The following ATRNL1 variants were observed in gnomAD, a reference collection of about 807,000 sequenced individuals.
ATRNL1 encodes the protein attractin like 1, also known as attractin-like protein 1.
In ATRNL1, 95 loss-of-function variants were observed where a neutral mutation model predicts 182.7. The ratio of observed to expected loss-of-function variants is 0.52; its 90% CI spans 0.44 to 0.62. The LOEUF is 0.62. Among genes scored for constraint, ATRNL1 ranks in the 20% least tolerant of loss-of-function variants. ATRNL1 has a pLI of 0.00. For missense variants in ATRNL1, 1,471 were observed against 1,679.5 expected (o/e 0.88, Z 2.17); for synonymous variants, 576 against 568.3 (o/e 1.01, Z -0.19).
At chr10:115,864,711 G>C (rs1184395915) in intron 28 of ATRNL1, among the ~76,000 whole-genome samples, 1 of 152,128 alleles carries the variant, frequency 6.6e-6, no homozygotes, top group Non-Finnish European at 1.5e-5. Context: ...GGCCGGGCGC[G>C]GTGGCTCACG....
intron 20 of ATRNL1, among the ~76,000 whole-genome samples, chr10:115,406,027 A>AT (rs529874148): frequency 0.012 from 1,778 of 151,794 alleles, 33 homozygotes; most frequent in African/African-American, 0.04. Flanking sequence ...TAAACTCATC[A>AT]TTTTTTACGG....
chr10:115,872,047 T>A (rs933921391), intron 28 of ATRNL1, among the ~76,000 whole-genome samples: 1 of 152,204 alleles, frequency 6.6e-6, no homozygotes, highest in East Asian at 1.9e-4. Flanking sequence ...CATCTGTTTA[T>A]CTAAGAAGCC....
chr10:115,184,560 GA>G (rs1433999939), intron 8 of ATRNL1, among the ~76,000 whole-genome samples: 5 of 151,562 alleles, frequency 3.3e-5, no homozygotes, highest in African/African-American at 1.2e-4. Context: ...AGATAAACCA[GA>G]AAACAAGTAT....
intron 8 of ATRNL1, among the ~76,000 whole-genome samples, chr10:115,201,627 A>G (rs1480530862): frequency 2.0e-5 from 3 of 152,124 alleles, no homozygotes; most frequent in Non-Finnish European, 2.9e-5. Context: ...TGTTTTGGTT[A>G]CTGTAGCCTT....
At chr10:115,238,152 A>T (rs1325209484) in intron 9 of ATRNL1, among the ~76,000 whole-genome samples, 1 of 152,162 alleles carries the variant, frequency 6.6e-6, no homozygotes, top group Non-Finnish European at 1.5e-5. Context: ...CTTTATAGTA[A>T]GTCCCAAAGC....
chr10:115,540,035 G>A (rs1852260825), intron 25 of ATRNL1, among the ~76,000 whole-genome samples: 1 of 151,146 alleles, frequency 6.6e-6, no homozygotes, highest in Non-Finnish European at 1.5e-5. Flanking sequence ...TGTAAATGAT[G>A]AGTTAATGAG....
intron 21 of ATRNL1, among the ~76,000 whole-genome samples, chr10:115,436,903 T>C (rs1221973901): frequency 3.9e-5 from 6 of 152,122 alleles, no homozygotes; most frequent in African/African-American, 1.2e-4. Context: ...AAACCAGTTA[T>C]ATGATTTTCA....
chr10:115,525,621 C>G (rs2133722291), intron 25 of ATRNL1, among the ~76,000 whole-genome samples: 1 of 152,226 alleles, frequency 6.6e-6, no homozygotes, highest in Non-Finnish European at 1.5e-5. Context: ...TCCAGCATAT[C>G]CCCTTCTCTC....
At chr10:115,918,098 C>CTTT (rs534230786) in intron 28 of ATRNL1, among the ~76,000 whole-genome samples, 1 of 123,818 alleles carries the variant, frequency 8.1e-6, no homozygotes, top group African/African-American at 3.1e-5. Context: ...TTTTTAGTGT[C>CTTT]TTTTTTTTTT....
intron 1 of ATRNL1, among the ~76,000 whole-genome samples, chr10:115,111,587 A>C (rs1197412731): frequency 6.6e-6 from 1 of 152,146 alleles, no homozygotes; most frequent in Admixed American, 6.5e-5. Context: ...CAACTCTCTC[A>C]GGAACTAATA....
intron 1 of ATRNL1, among the ~76,000 whole-genome samples, chr10:115,116,063 G>A (rs1844471847): frequency 6.6e-6 from 1 of 152,106 alleles, no homozygotes; most frequent in Non-Finnish European, 1.5e-5. Context: ...CCAGATAGTA[G>A]ATATTTTAGG....
At chr10:115,582,520 T>C (rs1339942693) in intron 26 of ATRNL1, among the ~76,000 whole-genome samples, 1 of 125,108 alleles carries the variant, frequency 8.0e-6, no homozygotes, top group East Asian at 3.2e-4. Flanking sequence ...TTTTCATGTG[T>C]TTTTTGGCTG....
chr10:115,542,490 T>G (rs1165189894), intron 25 of ATRNL1, among the ~76,000 whole-genome samples: 1 of 151,992 alleles, frequency 6.6e-6, no homozygotes, highest in Non-Finnish European at 1.5e-5. Flanking sequence ...TGGTAAGGAG[T>G]GGGCATGTAT....
At chr10:115,713,054 A>G (rs973784373) in intron 26 of ATRNL1, among the ~76,000 whole-genome samples, 1 of 152,186 alleles carries the variant, frequency 6.6e-6, no homozygotes, top group East Asian at 1.9e-4. Flanking sequence ...AACTAGAGGC[A>G]TTTCAATCTT....
At chr10:115,437,211 C>A (rs1353576309) in intron 21 of ATRNL1, among the ~76,000 whole-genome samples, 1 of 152,072 alleles carries the variant, frequency 6.6e-6, no homozygotes, top group East Asian at 1.9e-4. Context: ...TACTGAAACA[C>A]ATAGAATATA....
intron 26 of ATRNL1, among the ~76,000 whole-genome samples, chr10:115,623,765 A>G (rs1158749398): frequency 8.5e-5 from 13 of 152,144 alleles, no homozygotes; most frequent in Admixed American, 7.2e-4. Flanking sequence ...TACATAATCA[A>G]TGATAGGTTT....
At chr10:115,849,787 G>A (rs1278904342) in intron 28 of ATRNL1, among the ~76,000 whole-genome samples, 8 of 152,118 alleles carry the variant, frequency 5.3e-5, no homozygotes, top group African/African-American at 7.2e-5. Flanking sequence ...AGAGTATAGA[G>A]CAAAAGAATA....
chr10:115,367,772 C>T (rs1185158521), intron 19 of ATRNL1, among the ~76,000 whole-genome samples: 6 of 80,504 alleles, frequency 7.5e-5, no homozygotes, highest in African/African-American at 2.7e-4. Context: ...GTTGGAATAC[C>T]CTGCTGTGTG....
At chr10:115,173,481 C>A (rs1001333279) in intron 8 of ATRNL1, among the ~76,000 whole-genome samples, 1 of 151,636 alleles carries the variant, frequency 6.6e-6, no homozygotes, top group Non-Finnish European at 1.5e-5. Context: ...TTTATAAAAT[C>A]GACTTTATTG....
Sources: allele counts gnomAD v4.1 joint callset (sites outside exome capture counted in the v4.1 genomes callset), GRCh38; gene constraint gnomAD v4.1.1; transcripts MANE v1.5; gene names NCBI Gene and HGNC (gene_info 2026-07-23, HGNC 2026-07-21).